The following ITCH variants were observed in gnomAD, a reference collection of about 807,000 sequenced individuals.
The protein encoded by ITCH is itchy E3 ubiquitin protein ligase.
In ITCH, 28 loss-of-function variants were observed where a neutral mutation model predicts 126.8. The observed-to-expected ratio is 0.22, with a 90% CI of 0.16 to 0.30. The LOEUF is 0.30. Ranked by LOEUF, ITCH falls within the 10% of genes least tolerant of loss-of-function variation. The pLI is 1.00. For synonymous variants in ITCH, 342 were observed against 340.0 expected (o/e 1.01, Z -0.06); for missense variants, 631 against 1,032.4 (o/e 0.61, Z 5.33).
At chr20:34,391,747 T>C (rs966658551) in intron 2 of ITCH, among the ~76,000 whole-genome samples, 4 of 152,202 alleles carry the variant, frequency 2.6e-5, no homozygotes, top group Non-Finnish European at 5.9e-5. Context: ...TCTACCATAA[T>C]GATTCTCTGT....
At position 34,511,430 on chromosome 20, in the gene ITCH, GTCTCTTTCCTC is replaced by G. The variant is rs1978797571; in HGVS notation, c.*3641_*3651del. ...TTCTATCAGTCTTGGGTAAGGAGGGGTCTCTTTCCTCTCTCCCCGGCCCCACCTTCTGAGAC... is the reference window on the plus strand; with the variant it reads ...TTCTATCAGTCTTGGGTAAGGAGGGGTCTCCCCGGCCCCACCTTCTGAGAC... On this transcript the variant is annotated 3_prime_UTR_variant, in exon 25 of 25. Coordinates refer to ENST00000374864, the MANE Select transcript of ITCH (RefSeq NM_031483.7). The G allele has an allele frequency of 6.6e-6, 1 of 152,142 alleles. No homozygotes were observed. Among genetic ancestry groups the G allele is most frequent in the South Asian group, 2.1e-4 (1 of 4,824 alleles). The allele number at this position is 152,142 out of a possible 1,614,324, so 9.4% of individuals were successfully genotyped here. A position where few individuals can be genotyped will look rare whatever the true frequency, so the allele number is the denominator to read the frequency against.
chr20:34,400,676 C>G (rs539753869), intron 3 of ITCH, among the ~76,000 whole-genome samples: 9 of 91,038 alleles, frequency 9.9e-5, no homozygotes, highest in Non-Finnish European at 1.4e-4. Context: ...GAGACAGTTT[C>G]GTTCTGTCGC....
intron 1 of ITCH, among the ~76,000 whole-genome samples, chr20:34,366,726 A>G (rs1358951719): frequency 1.3e-5 from 2 of 152,066 alleles, no homozygotes; most frequent in Non-Finnish European, 1.5e-5. Flanking sequence ...AAAAAAAAAG[A>G]AATAGATGCA....
At chr20:34,379,588 T>G (rs1038032696) in intron 2 of ITCH, among the ~76,000 whole-genome samples, 7 of 151,582 alleles carry the variant, frequency 4.6e-5, no homozygotes, top group Admixed American at 1.3e-4. Context: ...TCATACAATA[T>G]TTGTCCTTTT....
chr20:34,414,573 T>A (rs1264792182), intron 6 of ITCH, among the ~76,000 whole-genome samples: 2 of 152,046 alleles, frequency 1.3e-5, no homozygotes, highest in Non-Finnish European at 2.9e-5. Context: ...TTCAAGCGAT[T>A]TTCCTGTCTC....
chr20:34,489,582 G>A (rs1989371744), intron 21 of ITCH, among the ~76,000 whole-genome samples, 196 bp downstream of exon 21: 1 of 152,100 alleles, frequency 6.6e-6, no homozygotes, highest in South Asian at 2.1e-4. Context: ...CCCCTCCAAA[G>A]TACAAATATT....
Position 34,510,551 on chromosome 20 carries a change from TG to T in ITCH, c.*2761del, listed in dbSNP as rs1434596461. 4 of 145,318 alleles carry T rather than the reference TG, an allele frequency of 2.8e-5. No individual in the cohort carries two copies. Among genetic ancestry groups the T allele is most frequent in the Non-Finnish European group, 4.5e-5 (3 of 67,036 alleles). The allele number at this position is 145,318 out of a possible 1,614,324, so 9.0% of individuals were successfully genotyped here. A position where few individuals can be genotyped will look rare whatever the true frequency, so the allele number is the denominator to read the frequency against. ...CTGCTCTTTTGCAGGGGGTGGGGGT[TG>T]GGGAAGACAGCATTCCACAGCCTGG... On this transcript the variant is annotated 3_prime_UTR_variant, in exon 25 of 25. Transcript: ENST00000374864.
rs1296140159 is a variant in ITCH at position 34,477,756 on chromosome 20, CT to C, written c.1570-13del. On this transcript the variant is annotated splice_polypyrimidine_tract_variant and intron_variant, in intron 16 of 24. Coordinates refer to ENST00000374864, the MANE Select transcript of ITCH (RefSeq NM_031483.7). Reference sequence around the variant, plus strand: ...ATAGCTTTTTTCACCAATTATTTTACTTTATTTTTTTTTAGATAATGAGCTT... The same window carrying C: ...ATAGCTTTTTTCACCAATTATTTTACTTATTTTTTTTTAGATAATGAGCTT... 1 of 1,611,548 alleles carries C rather than the reference CT, an allele frequency of 6.2e-7. No homozygotes were observed. Among genetic ancestry groups the C allele is most frequent in the East Asian group, 2.2e-5 (1 of 44,810 alleles).
At chr20:34,393,691 G>A in intron 2 of ITCH, 100 bp from the exon 3 acceptor site, 1 of 805,054 alleles carries the variant, frequency 1.2e-6, no homozygotes. Flanking sequence ...AAAGGCCTTT[G>A]TTACATGGTC....
intron 2 of ITCH, among the ~76,000 whole-genome samples, chr20:34,393,531 C>T (rs1191869391): frequency 6.6e-6 from 1 of 152,104 alleles, no homozygotes; most frequent in Non-Finnish European, 1.5e-5. Context: ...AAGGAACAAT[C>T]TGTGTGGTAG....
intron 2 of ITCH, among the ~76,000 whole-genome samples, chr20:34,377,360 C>T (rs1040052731): frequency 1.3e-5 from 2 of 151,540 alleles, no homozygotes; most frequent in East Asian, 1.9e-4. Context: ...GGCGACAGAG[C>T]GAGACCCTGT....
chr20:34,484,303 C>T (rs1036933741), intron 20 of ITCH, among the ~76,000 whole-genome samples: 4 of 152,148 alleles, frequency 2.6e-5, no homozygotes, highest in Non-Finnish European at 5.9e-5. Flanking sequence ...TTAAATTTTG[C>T]ATATTTACTT....
intron 16 of ITCH, among the ~76,000 whole-genome samples, chr20:34,475,541 G>A (rs1767309441): frequency 6.6e-6 from 1 of 152,038 alleles, no homozygotes; most frequent in Non-Finnish European, 1.5e-5. Context: ...TGCAATCGTA[G>A]GCACTGGGCA....
At chr20:34,366,476 T>A (rs1262989517) in intron 1 of ITCH, among the ~76,000 whole-genome samples, 3 of 152,164 alleles carry the variant, frequency 2.0e-5, no homozygotes, top group Non-Finnish European at 4.4e-5. Flanking sequence ...CCTCCCACCT[T>A]GGCCTCCTAA....
intron 17 of ITCH, among the ~76,000 whole-genome samples, chr20:34,478,303 A>T (rs1379442057): frequency 6.6e-6 from 1 of 152,234 alleles, no homozygotes; most frequent in African/African-American, 2.4e-5. Flanking sequence ...TGATACAGGT[A>T]ATAGTTACTC....
At chr20:34,370,663 CAA>C (rs113103425) in intron 2 of ITCH, among the ~76,000 whole-genome samples, 7 of 129,374 alleles carry the variant, frequency 5.4e-5, no homozygotes, top group Admixed American at 7.8e-5. Context: ...GAGTCTGTCT[CAA>C]AAAAAAAAAA....
intron 3 of ITCH, among the ~76,000 whole-genome samples, chr20:34,394,226 A>C (rs996819081): frequency 2.0e-5 from 3 of 151,844 alleles, no homozygotes; most frequent in Non-Finnish European, 4.4e-5. Flanking sequence ...AAAAAAAAAA[A>C]AAAAAACTTA....
chr20:34,393,836 G>T lies in ITCH; in HGVS notation c.25G>T (p.Gly9Cys). The T allele has an allele frequency of 6.2e-7, 1 of 1,613,986 alleles. No homozygotes were observed. MSDSGSQL[G>C]SMGSLTMKSQ... The stretch of plus-strand genomic sequence containing the variant: ...TATGTCTGACAGTGGATCACAACTT[G>T]GTTCAATGGGTAGCCTCACCATGAA... Residue 9 changes from glycine to cysteine, a missense_variant, in exon 3 of 25, where the codon GGT (glycine) becomes TGT (cysteine). By Grantham distance (159) the Gly-to-Cys change is radical (BLOSUM62 -3). This residue lies in a region of ITCH where 19 missense variants were observed against 17.5 expected (regional missense o/e 1.08). Coordinates refer to ENST00000374864, the MANE Select transcript of ITCH (RefSeq NM_031483.7).
intron 14 of ITCH, among the ~76,000 whole-genome samples, chr20:34,464,777 C>G (rs1986889574): frequency 6.6e-6 from 1 of 151,794 alleles, no homozygotes; most frequent in South Asian, 2.1e-4. Context: ...GTGGCAAGAT[C>G]TCAGCTCACT....
Sources: gnomAD v4.1 joint callset for allele counts (sites outside exome capture counted in the v4.1 genomes callset) on GRCh38, gnomAD v4.1.1 for gene constraint, gnomAD v4.1.1 regional missense constraint, MANE v1.5 for transcripts, NCBI Gene and HGNC (gene_info 2026-07-23, HGNC 2026-07-21) for gene names.